Variants in CCDC149 observed in about 807,000 individuals in gnomAD.
CCDC149 encodes coiled-coil domain containing 149, also known as coiled-coil domain-containing protein 149.
A neutral mutation model predicts 59.9 loss-of-function variants in CCDC149; 45 were observed. The observed-to-expected ratio is 0.75, with a 90% CI of 0.59 to 0.96. CCDC149 has a LOEUF of 0.96. CCDC149 is among the 40% of genes least tolerant of loss of function. CCDC149 has a pLI of 0.00. For missense variants in CCDC149, 584 were observed against 664.7 expected (o/e 0.88, Z 1.33); for synonymous variants, 245 against 260.6 (o/e 0.94, Z 0.58).
chr4:24,900,031 G>A (rs185859682), intron 1 of CCDC149, among the ~76,000 whole-genome samples: 1 of 152,174 alleles, frequency 6.6e-6, no homozygotes, highest in African/African-American at 2.4e-5. Context: ...TCCTGGCCCA[G>A]GTGCCACCTC....
At chr4:24,820,743 T>G (rs1424698433) in intron 11 of CCDC149, among the ~76,000 whole-genome samples, 1 of 152,078 alleles carries the variant, frequency 6.6e-6, no homozygotes. Context: ...TCAGTGCTAT[T>G]GCCATGACAT....
At chr4:24,906,897 G>A (rs900915380) in intron 1 of CCDC149, among the ~76,000 whole-genome samples, 2 of 152,076 alleles carry the variant, frequency 1.3e-5, no homozygotes, top group African/African-American at 4.8e-5. Context: ...AGTGACCAAG[G>A]GCAAGATACT....
At chr4:24,855,574 CAA>C (rs10639019) in intron 3 of CCDC149, among the ~76,000 whole-genome samples, 1 of 132,728 alleles carries the variant, frequency 7.5e-6, no homozygotes, top group Non-Finnish European at 1.6e-5. Flanking sequence ...GACTCTGTCT[CAA>C]AAAAAAAAAA....
chr4:24,813,749 A>G (rs187563730), intron 12 of CCDC149, among the ~76,000 whole-genome samples: 209 of 152,190 alleles, frequency 1.4e-3, no homozygotes, highest in South Asian at 3.9e-3. Context: ...TATTTACTTA[A>G]TCAAATGTTT....
intron 1 of CCDC149, among the ~76,000 whole-genome samples, chr4:24,942,156 T>A (rs1464669093): frequency 6.6e-6 from 1 of 152,192 alleles, no homozygotes; most frequent in South Asian, 2.1e-4. Flanking sequence ...AATAAAATAC[T>A]GGCAAACCAA....
chr4:24,937,320 T>G (rs1405822310), intron 1 of CCDC149, among the ~76,000 whole-genome samples: 1 of 152,178 alleles, frequency 6.6e-6, no homozygotes, highest in Non-Finnish European at 1.5e-5. Context: ...TTCCAAGCAT[T>G]TATTCATGAA....
In CCDC149 at chr4:24,815,765, T is replaced by C. The variant is rs1054620517; in HGVS notation, c.1192+4094A>G. ...ATTTCGTTAGATGACATTCTGCTCA[T>C]GTCCAAAGGTATGAGTCTCTTTTAA... On this transcript the variant is annotated intron_variant, in intron 12 of 12. Coordinates refer to ENST00000635206, the MANE Select transcript of CCDC149 (RefSeq NM_001330643.2). Among the ~76,000 whole-genome samples, 125 of 152,208 alleles carry C rather than the reference T, an allele frequency of 8.2e-4. 2 individuals are homozygous for C. Among genetic ancestry groups the C allele is most frequent in the African/African-American group, 2.7e-3 (112 of 41,460 alleles).
At chr4:24,909,620 AT>A in intron 1 of CCDC149, among the ~76,000 whole-genome samples, 1 of 152,278 alleles carries the variant, frequency 6.6e-6, no homozygotes, top group Admixed American at 6.5e-5. Flanking sequence ...CTCACCTTGA[AT>A]TGCATTCCCA....
chr4:24,879,463 G>A (rs890124868), intron 1 of CCDC149, among the ~76,000 whole-genome samples: 2 of 150,402 alleles, frequency 1.3e-5, no homozygotes, highest in Non-Finnish European at 2.9e-5. Context: ...GCTGCAGTGA[G>A]CCGAGATCGC....
intron 1 of CCDC149, among the ~76,000 whole-genome samples, chr4:24,938,140 C>T (rs1054139646): frequency 1.3e-5 from 2 of 152,214 alleles, no homozygotes; most frequent in African/African-American, 2.4e-5. Context: ...TCTCCAAATA[C>T]TGTAAATTCA....
intron 1 of CCDC149, among the ~76,000 whole-genome samples, chr4:24,954,419 G>T (rs961597274): frequency 6.6e-6 from 1 of 152,224 alleles, no homozygotes; most frequent in Non-Finnish European, 1.5e-5. Flanking sequence ...CTCCGTGGTA[G>T]GTCTCTGCCT....
chr4:24,880,939 C>A (rs747031612), intron 1 of CCDC149, among the ~76,000 whole-genome samples: 1 of 152,346 alleles, frequency 6.6e-6, no homozygotes, highest in African/African-American at 2.4e-5. Flanking sequence ...ACGATTTCAA[C>A]ACCACTGTCG....
chr4:24,841,877 G>A (rs1716961120), intron 4 of CCDC149, among the ~76,000 whole-genome samples: 1 of 152,204 alleles, frequency 6.6e-6, no homozygotes, highest in Non-Finnish European at 1.5e-5. Context: ...TCATATATAT[G>A]AGTCTGGGGA....
At chr4:24,848,320 C>T (rs955203027) in intron 4 of CCDC149, among the ~76,000 whole-genome samples, 3 of 152,128 alleles carry the variant, frequency 2.0e-5, no homozygotes, top group African/African-American at 7.2e-5. Flanking sequence ...TCTGTAATCC[C>T]AGCACTTTGG....
At chr4:24,836,551 AT>A (rs781716720) in intron 6 of CCDC149, 43 bp from the exon 7 acceptor site, 3 of 1,314,332 alleles carry the variant, frequency 2.3e-6, no homozygotes, top group Non-Finnish European at 3.3e-6. Context: ...TAAGGGCTAA[AT>A]AAAAAACACA....
chr4:24,883,481 G>A (rs537557657), intron 1 of CCDC149, among the ~76,000 whole-genome samples: 1 of 152,052 alleles, frequency 6.6e-6, no homozygotes, highest in African/African-American at 2.4e-5. Context: ...GGTGGGGCAG[G>A]GAGGAAAGCT....
At chr4:24,956,189 A>C (rs1309074507) in intron 1 of CCDC149, among the ~76,000 whole-genome samples, 1 of 149,320 alleles carries the variant, frequency 6.7e-6, no homozygotes, top group Non-Finnish European at 1.5e-5. Flanking sequence ...TTAGAGGACA[A>C]AGTTCTTGTG....
intron 1 of CCDC149, among the ~76,000 whole-genome samples, chr4:24,941,458 T>C (rs997345289): frequency 7.9e-5 from 12 of 152,022 alleles, no homozygotes; most frequent in Non-Finnish European, 1.5e-4. Context: ...AGATCTAAAA[T>C]TGACACCCTA....
intron 1 of CCDC149, among the ~76,000 whole-genome samples, chr4:24,937,286 C>A (rs965960066): frequency 6.6e-6 from 1 of 152,134 alleles, no homozygotes; most frequent in Non-Finnish European, 1.5e-5. Context: ...GTCTGATGAG[C>A]AAACTGTGGT....
Sources: allele counts gnomAD v4.1 joint callset (sites outside exome capture counted in the v4.1 genomes callset), GRCh38; gene constraint gnomAD v4.1.1; transcripts MANE v1.5; gene names NCBI Gene and HGNC (gene_info 2026-07-23, HGNC 2026-07-21).